The following ELMO1 variants were observed in gnomAD, a reference collection of about 807,000 sequenced individuals.
ELMO1 encodes the protein engulfment and cell motility 1.
Under a neutral mutation model 98.9 loss-of-function variants are expected in ELMO1, and 26 were observed. The ratio of observed to expected loss-of-function variants is 0.26; its 90% confidence interval spans 0.19 to 0.36. The LOEUF (loss-of-function observed/expected upper bound fraction) is 0.36, where lower values mean the gene tolerates loss of function less well. Ranked by LOEUF, ELMO1 falls within the 10% of genes least tolerant of loss-of-function variation. The pLI is 1.00. For missense variants in ELMO1, 627 were observed against 935.2 expected (o/e 0.67, Z 4.30); for synonymous variants, 346 against 346.0 (o/e 1.00, Z 0.00).
chr7:36,991,684 G>A (rs10232636), intron 16 of ELMO1, among the ~76,000 whole-genome samples: 2,008 of 152,228 alleles, frequency 0.013, 52 homozygotes, highest in African/African-American at 0.047. Flanking sequence ...AGATGATCCT[G>A]AGCAGAATGT....
chr7:37,089,470 C>T (rs1364695238), intron 15 of ELMO1, among the ~76,000 whole-genome samples: 2 of 152,118 alleles, frequency 1.3e-5, no homozygotes, highest in Non-Finnish European at 2.9e-5. Context: ...GTCCATTCTG[C>T]TCTTCAAAAT....
chr7:37,388,442 T>C (rs1802911443), intron 1 of ELMO1, among the ~76,000 whole-genome samples: 1 of 151,252 alleles, frequency 6.6e-6, no homozygotes, highest in Non-Finnish European at 1.5e-5. Context: ...ATTATAATCA[T>C]GTACCACCAC....
rs374474055 is a variant in ELMO1, at chr7:37,165,241, A to G, written c.1087-32007T>C. ...TCAGCTTAAGGAGATTTTGGGCTGA[A>G]ACAATGGGGTTTTCTAGATATTCAA... is the stretch of plus-strand genomic sequence containing the variant. On this transcript the variant is annotated intron_variant, in intron 13 of 21. Transcript: ENST00000310758. Among the ~76,000 whole-genome samples the G allele has an allele frequency of 5.5e-4, 83 of 152,250 alleles. No homozygotes were observed. The South Asian group carries it at 6.4e-3, about 12-fold the overall frequency.
intron 1 of ELMO1, among the ~76,000 whole-genome samples, chr7:37,378,094 C>A (rs546181175): frequency 6.6e-6 from 1 of 152,318 alleles, no homozygotes; most frequent in African/African-American, 2.4e-5. Flanking sequence ...GTCAGAAGTA[C>A]AACCCAAGTT....
At position 36,854,968 on chromosome 7, in the gene ELMO1, C is replaced by G. The variant is rs1802090584; in HGVS notation, c.*583G>C. 1 of 160,148 alleles carries G rather than the reference C, an allele frequency of 6.2e-6. No individual in the cohort carries two copies. 9.9% of individuals were successfully genotyped at this position (160,148 alleles called of 1,614,324 possible). ...GAGGATCACGAGGAGGCTGCGGCTG[C>G]TGCTCTTGGGACCAAAGAGGAACAG... On this transcript the variant is annotated 3_prime_UTR_variant, in exon 22 of 22. Transcript: ENST00000310758.
chr7:37,232,275 T>G (rs374334513), intron 8 of ELMO1, among the ~76,000 whole-genome samples: 1 of 152,234 alleles, frequency 6.6e-6, no homozygotes, highest in African/African-American at 2.4e-5. Context: ...AATAAAGTTA[T>G]GAATTCCAAA....
At chr7:36,931,182 C>T (rs1037491803) in intron 16 of ELMO1, among the ~76,000 whole-genome samples, 13 of 152,224 alleles carry the variant, frequency 8.5e-5, no homozygotes, top group African/African-American at 2.9e-4. Flanking sequence ...GGCAGCTTTT[C>T]GGGATTTATC....
intron 16 of ELMO1, among the ~76,000 whole-genome samples, chr7:36,899,915 C>T (rs566815338): frequency 6.6e-6 from 1 of 152,104 alleles, no homozygotes; most frequent in South Asian, 2.1e-4. Flanking sequence ...ACCTAATATA[C>T]TGAATAGAAC....
chr7:37,236,501 G>C (rs1794472183), intron 7 of ELMO1, among the ~76,000 whole-genome samples: 1 of 152,100 alleles, frequency 6.6e-6, no homozygotes. Flanking sequence ...TGACAGATAG[G>C]CAGAGACAGA....
intron 16 of ELMO1, among the ~76,000 whole-genome samples, chr7:36,973,775 C>T (rs1051466960): frequency 7.9e-5 from 12 of 152,158 alleles, no homozygotes; most frequent in South Asian, 2.1e-4. Flanking sequence ...CGGGGCTGCG[C>T]GCGGCGCTTG....
At chr7:37,257,784 G>A (rs879443305) in intron 6 of ELMO1, among the ~76,000 whole-genome samples, 31 of 150,502 alleles carry the variant, frequency 2.1e-4, no homozygotes, top group Non-Finnish European at 2.8e-4. Context: ...GGCGGATCAC[G>A]AGGTCAAGAG....
At chr7:36,866,037 A>G (rs545124781) in intron 20 of ELMO1, among the ~76,000 whole-genome samples, 3 of 152,348 alleles carry the variant, frequency 2.0e-5, no homozygotes, top group South Asian at 2.1e-4. Context: ...GCAAATGGGA[A>G]GATGGAAGCT....
intron 16 of ELMO1, among the ~76,000 whole-genome samples, chr7:36,922,696 A>C (rs1162097919): frequency 6.6e-6 from 1 of 152,198 alleles, no homozygotes; most frequent in African/African-American, 2.4e-5. Flanking sequence ...TCAAAGGGGC[A>C]TGGTGGCTGA....
chr7:37,244,803 T>C (rs760878516), intron 6 of ELMO1, among the ~76,000 whole-genome samples: 2 of 152,222 alleles, frequency 1.3e-5, no homozygotes, highest in Non-Finnish European at 2.9e-5. Context: ...TTTGGTAGAA[T>C]GTCCACTAAT....
chr7:37,254,043 C>T (rs919488664), intron 6 of ELMO1, among the ~76,000 whole-genome samples: 1 of 152,146 alleles, frequency 6.6e-6, no homozygotes, highest in East Asian at 1.9e-4. Flanking sequence ...AAATGGCTTT[C>T]TCTTTCCTTT....
At chr7:37,161,979 G>C (rs575609659) in intron 13 of ELMO1, among the ~76,000 whole-genome samples, 2 of 127,224 alleles carry the variant, frequency 1.6e-5, no homozygotes, top group East Asian at 4.6e-4. Context: ...AGTGAGGTGA[G>C]TTTGTAAATA....
At chr7:37,239,872 T>G (rs953487954) in intron 7 of ELMO1, among the ~76,000 whole-genome samples, 1 of 152,216 alleles carries the variant, frequency 6.6e-6, no homozygotes, top group Admixed American at 6.5e-5. Flanking sequence ...GCTATGAATC[T>G]GGAACATGTG....
At chr7:37,414,028 G>A (rs1203054593) in intron 1 of ELMO1, among the ~76,000 whole-genome samples, 1 of 147,550 alleles carries the variant, frequency 6.8e-6, no homozygotes, top group Non-Finnish European at 1.5e-5. Context: ...AAAGTGAAAA[G>A]GTATATGACA....
intron 13 of ELMO1, among the ~76,000 whole-genome samples, chr7:37,141,078 A>AC (rs547862937): frequency 3.8e-3 from 576 of 152,336 alleles, no homozygotes; most frequent in Middle Eastern, 6.8e-3. Flanking sequence ...AGATACTTGC[A>AC]AACACATGTA....
Sources: allele counts gnomAD v4.1 joint callset (sites outside exome capture counted in the v4.1 genomes callset), GRCh38; gene constraint gnomAD v4.1.1; transcripts MANE v1.5; gene names NCBI Gene and HGNC (gene_info 2026-07-23, HGNC 2026-07-21).